The following LENG8 variants were observed in gnomAD, a reference collection of about 807,000 sequenced individuals.
LENG8 encodes the protein leukocyte receptor cluster member 8.
LENG8 carries 28 observed loss-of-function variants against 102.1 expected under a neutral mutation model. The observed-to-expected ratio is 0.27, with a 90% CI of 0.20 to 0.38. The LOEUF (loss-of-function observed/expected upper bound fraction) is 0.38. LENG8 is among the 10% of genes least tolerant of loss of function. LENG8 has a pLI of 1.00. For missense variants in LENG8, 1,022 were observed against 1,113.9 expected (o/e 0.92, Z 1.17); for synonymous variants, 531 against 456.7 (o/e 1.16, Z -2.07).
In LENG8 at chr19:54,460,990, T is replaced by C. The variant is rs2084519599; in HGVS notation, c.*62T>C. On this transcript the variant is annotated 3_prime_UTR_variant, in exon 16 of 16. Transcript: ENST00000326764. ...CCCCCAGCGCTGCCTTTGCGGATTC[T>C]GTTTTTGAGCCGTGGACTTGGGTTG... 3.3e-6 allele frequency: 5 copies of C among 1,534,174 alleles called. No individual in the cohort carries two copies. The highest frequency in any genetic ancestry group is 1.4e-5 in the African/African-American group (1 of 72,996).
intron 11 of LENG8, among the ~76,000 whole-genome samples, chr19:54,457,157 G>A (rs1171742477): frequency 6.6e-6 from 1 of 152,270 alleles, no homozygotes; most frequent in African/African-American, 2.4e-5. Flanking sequence ...CCTCTGGGCC[G>A]TGGTTCCTGG....
intron 2 of LENG8, among the ~76,000 whole-genome samples, chr19:54,451,760 G>A (rs1337837884): frequency 2.6e-5 from 4 of 152,190 alleles, no homozygotes; most frequent in African/African-American, 4.8e-5. Flanking sequence ...ATGTCAGACA[G>A]AATTCATTGA....
At position 54,456,340 on chromosome 19, in the gene LENG8, C is replaced by T; in HGVS notation, c.1320C>T (p.Asp440=). The T allele has an allele frequency of 6.2e-7, 1 of 1,613,904 alleles. No homozygotes were observed. The highest frequency in any genetic ancestry group is 8.5e-7 in the Non-Finnish European group (1 of 1,180,010). The change falls in exon 10 of 16, where the codon GAC becomes GAT. Residue 440 remains aspartate (D), a synonymous_variant. Coordinates refer to ENST00000326764, the MANE Select transcript of LENG8 (RefSeq NM_052925.4). ...CTTCCTGCAGTGACTCCCACTCAGA[C>T]TCCGACAGCTCCTACTCAGGGAATG... is the stretch of plus-strand genomic sequence containing the variant. The part of the protein sequence containing the change: ...RHFRRSDSHS[D]SDSSYSGNEC...
intron 5 of LENG8, among the ~76,000 whole-genome samples, chr19:54,454,021 T>C (rs990936179): frequency 3.3e-5 from 5 of 152,146 alleles, no homozygotes; most frequent in Admixed American, 6.5e-5. Context: ...CTGGTGTAAT[T>C]ACGCATCTCG....
At position 54,456,210 on chromosome 19, in the gene LENG8, C is replaced by G; in HGVS notation, c.1269C>G (p.Ser423=). The change falls in exon 9 of 16, where the codon TCC becomes TCG. Residue 423 remains serine (S), a synonymous_variant. Transcript: ENST00000326764. ...SSSSTDSRSR[S]SSRSPTRHFR... Reference sequence around the variant, plus strand: ...CCAGCACAGACTCCCGCTCCCGCTCCTCCTCCAGGTCCCCGACGCGCCACT... The same window carrying G: ...CCAGCACAGACTCCCGCTCCCGCTCGTCCTCCAGGTCCCCGACGCGCCACT... 6.2e-7 allele frequency: 1 copy of G among 1,612,508 alleles called. No individual in the cohort carries two copies. The highest frequency in any genetic ancestry group is 8.5e-7 in the Non-Finnish European group (1 of 1,179,056).
At position 54,457,697 on chromosome 19, in the gene LENG8, C is replaced by T. The variant is rs759830299; in HGVS notation, c.1732-50C>T. 7.5e-6 allele frequency: 10 copies of T among 1,336,818 alleles called. No individual in the cohort carries two copies. The Admixed American group carries it at 1.5e-4, about 20-fold the overall frequency. 82.8% of individuals were successfully genotyped at this position (1,336,818 alleles called of 1,614,324 possible). ...CCACCAAATAAGTGGAAGCCGTTGG[C>T]CACGCTACCTGAGTTGTACTCCGAG... On this transcript the variant is annotated intron_variant, in intron 11 of 15. Coordinates refer to ENST00000326764, the MANE Select transcript of LENG8 (RefSeq NM_052925.4).
At position 54,455,540 on chromosome 19, in the gene LENG8, T is replaced by C. The variant is rs773968425; in HGVS notation, c.998T>C (p.Ile333Thr). The change falls in exon 8 of 16, where the codon ATT becomes ACT. Residue 333 changes from isoleucine (I) to threonine (T), a missense_variant. This residue lies in a region of LENG8 where 326 missense variants were observed against 324.5 expected (regional missense o/e 1.00). Transcript: ENST00000326764. ...ARLQDGSAYT[I>T]DWSREPLPGL... is the part of the protein sequence containing the mutation. ...CTGCAGGACGGCTCGGCCTATACCA[T>C]TGACTGGAGCCGGGAGCCCTTGCCG... is the stretch of plus-strand genomic sequence containing the variant. The C allele has an allele frequency of 2.5e-6, 4 of 1,612,682 alleles. No homozygotes were observed.
intron 6 of LENG8, 56 bp from the exon 7 acceptor site, chr19:54,454,885 CCGTCCCCTGG>C (rs1396207661): frequency 6.2e-7 from 1 of 1,600,040 alleles, no homozygotes; most frequent in Non-Finnish European, 8.5e-7. Context: ...CCACTTCCTC[CCGTCCCCTGG>C]GGACCCCTGG....
At chr19:54,455,812 T>G (rs1194159013) in intron 8 of LENG8, among the ~76,000 whole-genome samples, 155 bp from the exon 9 acceptor site, 3 of 152,068 alleles carry the variant, frequency 2.0e-5, no homozygotes, top group Non-Finnish European at 4.4e-5. Context: ...ACGGAAAACC[T>G]GGGTTCGCGT....
chr19:54,456,876 G>A lies in LENG8; in HGVS notation c.1686G>A (p.Leu562=). Residue 562 remains leucine (L), a synonymous_variant, in exon 11 of 16, where the codon CTG becomes CTA. Transcript: ENST00000326764. Reference sequence around the variant, plus strand: ...GCCCTGACATCACCAAGCACTACCTGCGCCTCACCTGTGCCCCCGACCCGT... The same window carrying A: ...GCCCTGACATCACCAAGCACTACCTACGCCTCACCTGTGCCCCCGACCCGT... ...GTCPDITKHY[L]RLTCAPDPST... The A allele has an allele frequency of 1.9e-6, 3 of 1,610,354 alleles. No homozygotes were observed. Among genetic ancestry groups the A allele is most frequent in the Non-Finnish European group, 2.5e-6 (3 of 1,179,862 alleles).
intron 15 of LENG8, chr19:54,460,435 A>T: frequency 7.9e-7 from 1 of 1,266,116 alleles, no homozygotes; most frequent in Non-Finnish European, 1.0e-6. Flanking sequence ...CGCCATCCCC[A>T]TCCCCTGCCA....
At chr19:54,455,899 G>T in intron 8 of LENG8, 68 bp from the exon 9 acceptor site, 1 of 1,518,332 alleles carries the variant, frequency 6.6e-7, no homozygotes, top group East Asian at 2.3e-5. Context: ...TACCTTGAGG[G>T]AGGTGGTGGC....
rs776474502 is a variant in LENG8 at position 54,457,821 on chromosome 19, G to A, written c.1806G>A (p.Gln602=). ...AGGACTACGCGTTTGCCTGCGAGCA[G>A]ATGAAGTCGATCCGGCAGGATCTGA... ...EKQDYAFACE[Q]MKSIRQDLTV... The change falls in exon 12 of 16, where the codon CAG becomes CAA. Residue 602 remains glutamine (Q), a synonymous_variant. Transcript: ENST00000326764. 2.5e-6 allele frequency: 4 copies of A among 1,614,228 alleles called. No homozygotes were observed. The highest frequency in any genetic ancestry group is 3.4e-6 in the Non-Finnish European group (4 of 1,180,008).
intron 5 of LENG8, among the ~76,000 whole-genome samples, chr19:54,453,914 C>T (rs751020032): frequency 2.6e-5 from 4 of 152,154 alleles, no homozygotes; most frequent in South Asian, 2.1e-4. Flanking sequence ...GTGCACACAC[C>T]GGCTGGGTTT....
In LENG8 at chr19:54,458,450, C is replaced by T. The variant is rs1318319272; in HGVS notation, c.2169C>T (p.Cys723=). 6.2e-7 allele frequency: 1 copy of T among 1,614,180 alleles called. No homozygotes were observed. The highest frequency in any genetic ancestry group is 2.2e-5 in the East Asian group (1 of 44,900). Residue 723 remains cysteine (C), a synonymous_variant, in exon 15 of 16, where the codon TGC becomes TGT. Transcript: ENST00000326764. ...RFFRLYCHAP[C]MSGYLVDKFA... Reference sequence around the variant, plus strand: ...TCCGGCTCTACTGCCATGCACCCTGCATGTCTGGCTACCTCGTGGACAAGT... The same window carrying T: ...TCCGGCTCTACTGCCATGCACCCTGTATGTCTGGCTACCTCGTGGACAAGT...
chr19:54,459,849 C>T lies in LENG8; in HGVS notation c.2241-917C>T, dbSNP rs369202204. ...TTGGGAAGTTAGAAGGAAGGGGAGG[C>T]AGGAGGCTGCTTAGTCTGCTGCCAT... is the stretch of plus-strand genomic sequence containing the variant. On this transcript the variant is annotated intron_variant, in intron 15 of 15. Transcript: ENST00000326764. 15 of 1,160,290 alleles carry T rather than the reference C, an allele frequency of 1.3e-5. No homozygotes were observed. The East Asian group carries it at 3.8e-4, about 30-fold the overall frequency. The allele number at this position is 1,160,290 out of a possible 1,614,324, so 71.9% of individuals were successfully genotyped here. A position where few individuals can be genotyped will look rare whatever the true frequency, so the allele number is the denominator to read the frequency against.
intron 5 of LENG8, 47 bp downstream of exon 5, chr19:54,453,703 G>A (rs373805433): frequency 6.5e-6 from 9 of 1,389,454 alleles, no homozygotes; most frequent in Non-Finnish European, 8.1e-6. Flanking sequence ...CAGAGGAAGT[G>A]TAGATTTTTG....
chr19:54,452,348 C>G (rs1262036520), intron 3 of LENG8, 81 bp downstream of exon 3: 2 of 1,263,216 alleles, frequency 1.6e-6, no homozygotes, highest in East Asian at 2.4e-5. Context: ...TTGTATCATT[C>G]AGACGGGGTG....
chr19:54,449,730 C>G (rs1449587703), intron 1 of LENG8: 1 of 152,452 alleles, frequency 6.6e-6, no homozygotes, highest in Non-Finnish European at 1.5e-5. Flanking sequence ...TTCGCCCAGC[C>G]TGCGGGACGG....
Sources: gnomAD v4.1 joint callset for allele counts (sites outside exome capture counted in the v4.1 genomes callset) on GRCh38, gnomAD v4.1.1 for gene constraint, gnomAD v4.1.1 regional missense constraint, MANE v1.5 for transcripts, NCBI Gene and HGNC (gene_info 2026-07-23, HGNC 2026-07-21) for gene names.